PDE8A: variants seen among roughly 807,000 people sequenced by gnomAD.
PDE8A encodes the protein high affinity cAMP-specific and IBMX-insensitive 3',5'-cyclic phosphodiesterase 8A.
Under a neutral mutation model 105.0 loss-of-function variants are expected in PDE8A, and 59 were observed. The ratio of observed to expected loss-of-function variants is 0.56; its 90% confidence interval spans 0.46 to 0.70. The LOEUF is 0.70. Ranked by LOEUF, PDE8A falls within the 30% of genes least tolerant of loss-of-function variation. The pLI is 0.00. For synonymous variants in PDE8A, 355 were observed against 371.9 expected, an observed-to-expected ratio of 0.95 and a Z score of 0.52; for missense variants, 1,014 against 1,045.9, an observed-to-expected ratio of 0.97 and a Z score of 0.42.
chr15:85,136,225 C>A (rs1387634671), intron 20 of PDE8A, among the ~76,000 whole-genome samples: 1 of 152,218 alleles, frequency 6.6e-6, no homozygotes, highest in Non-Finnish European at 1.5e-5. Flanking sequence ...ATACGAACAA[C>A]AGAGCGGTGG....
intron 20 of PDE8A, among the ~76,000 whole-genome samples, chr15:85,134,941 G>C (rs963679964): frequency 6.6e-5 from 10 of 152,218 alleles, no homozygotes; most frequent in African/African-American, 2.4e-4. Flanking sequence ...AGGCAATGGA[G>C]TCAGCGACTT....
chr15:85,101,433 T>G (rs2081860446), intron 11 of PDE8A, among the ~76,000 whole-genome samples: 1 of 152,142 alleles, frequency 6.6e-6, no homozygotes, highest in Non-Finnish European at 1.5e-5. Flanking sequence ...AGGGGGAAAG[T>G]ACAGGGCATG....
rs772860195 is a variant in PDE8A, at chr15:85,033,918, GAGAAA to G, written c.187-30450_187-30446del. Among the ~76,000 whole-genome samples the G allele has an allele frequency of 7.9e-5, 12 of 152,216 alleles. 1 individual carries two copies. The highest frequency in any genetic ancestry group is 5.9e-4 in the Admixed American group (9 of 15,266). On this transcript the variant is annotated intron_variant, in intron 1 of 21. Coordinates refer to ENST00000394553, the MANE Select transcript of PDE8A (RefSeq NM_002605.3). Reference sequence around the variant, plus strand: ...TCCCTAAAGAAGGAAACAAATAGTGGAGAAAACAAAAGTTTTGTAGTACAAATCAA... The same window carrying G: ...TCCCTAAAGAAGGAAACAAATAGTGGACAAAAGTTTTGTAGTACAAATCAA...
intron 8 of PDE8A, among the ~76,000 whole-genome samples, chr15:85,097,356 G>A (rs1235669169): frequency 6.6e-6 from 1 of 152,164 alleles, no homozygotes; most frequent in Non-Finnish European, 1.5e-5. Flanking sequence ...CACGTTCTGT[G>A]TCTGATCAGG....
intron 1 of PDE8A, among the ~76,000 whole-genome samples, chr15:85,062,312 A>G (rs1435745620): frequency 6.6e-6 from 1 of 152,170 alleles, no homozygotes; most frequent in Admixed American, 6.5e-5. Flanking sequence ...GGATCAGTCT[A>G]ATGTGTAAAC....
rs1254960702 is a variant in PDE8A at position 85,038,223 on chromosome 15, G to A, written c.187-26147G>A. On this transcript the variant is annotated intron_variant, in intron 1 of 21. Coordinates refer to ENST00000394553, the MANE Select transcript of PDE8A (RefSeq NM_002605.3). ...GGCTCTCTCCAATTGGGGGGTGTGT[G>A]TGTGTGTGTGTGTGTGTGTGTGTGT... Among the ~76,000 whole-genome samples, 144 of 19,466 alleles carry A rather than the reference G, an allele frequency of 7.4e-3. 4 individuals carry two copies. The East Asian group carries it at 0.13, about 17-fold the overall frequency. 12.8% of individuals were successfully genotyped at this position (19,466 alleles called of 152,430 possible).
In PDE8A at chr15:85,113,988, C is replaced by T. The variant is rs771902417; in HGVS notation, c.1301C>T (p.Ala434Val). The T allele has an allele frequency of 1.2e-6, 2 of 1,613,780 alleles. No homozygotes were observed. The highest frequency in any genetic ancestry group is 2.7e-5 in the African/African-American group (2 of 74,924). ...TTELYSPQFG[A>V]KDDDPHANDL... ...GAGTTATATTCACCACAGTTTGGTG[C>T]TAAAGATGATGATCCCCATGCCAAT... The change falls in exon 14 of 22, where the codon GCT (alanine) becomes GTT (valine). Residue 434 changes from alanine to valine, a missense_variant. Ala to Val is a moderately conservative substitution (Grantham distance 64). Transcript: ENST00000394553.
At position 85,116,061 on chromosome 15, in the gene PDE8A, G is replaced by T. The variant is rs1299503771; in HGVS notation, c.1477G>T (p.Glu493Ter). ...CCCACCACGGATAGCTCGGGCCATG[G>T]AAAATGAGGAATACTGGGACTTTGA... ...DVPPRIARAM[E>*]NEEYWDFDIF... Residue 493 changes from glutamate (E) to a stop codon, truncating the protein, a stop_gained, in exon 16 of 22, where the codon GAA (glutamate) becomes TAA (stop). Coordinates refer to ENST00000394553, the MANE Select transcript of PDE8A (RefSeq NM_002605.3). LOFTEE classifies it high-confidence loss of function. The T allele has an allele frequency of 6.2e-7, 1 of 1,613,912 alleles. No individual in the cohort carries two copies. Among genetic ancestry groups the T allele is most frequent in the Non-Finnish European group, 8.5e-7 (1 of 1,179,894 alleles).
At chr15:85,008,744 TC>T (rs1278413584) in intron 1 of PDE8A, among the ~76,000 whole-genome samples, 10 of 152,158 alleles carry the variant, frequency 6.6e-5, no homozygotes, top group Admixed American at 5.2e-4. Flanking sequence ...GCCTGAATCC[TC>T]CATTACCACC....
At chr15:85,087,804 A>G (rs759424615) in intron 6 of PDE8A, among the ~76,000 whole-genome samples, 7 of 152,240 alleles carry the variant, frequency 4.6e-5, no homozygotes, top group Non-Finnish European at 8.8e-5. Context: ...ACTGTAGAGT[A>G]TGATCTTGTT....
chr15:85,040,174 G>C (rs73446132), intron 1 of PDE8A, among the ~76,000 whole-genome samples: 13,404 of 151,986 alleles, frequency 0.088, 1,638 homozygotes, highest in African/African-American at 0.28. Context: ...TGAGTGTGAT[G>C]GTGTGCGCCT....
chr15:85,005,423 C>T (rs894005790), intron 1 of PDE8A, among the ~76,000 whole-genome samples: 2 of 152,260 alleles, frequency 1.3e-5, no homozygotes. Flanking sequence ...GCTGTTATTA[C>T]AGGAACTTTT....
chr15:85,025,237 AC>A (rs1267400652), intron 1 of PDE8A, among the ~76,000 whole-genome samples: 9 of 151,868 alleles, frequency 5.9e-5, no homozygotes, highest in Non-Finnish European at 1.5e-5. Flanking sequence ...TACTCCCACT[AC>A]CCCTTTGAAC....
At chr15:85,027,864 T>G (rs1194449741) in intron 1 of PDE8A, among the ~76,000 whole-genome samples, 1 of 152,206 alleles carries the variant, frequency 6.6e-6, no homozygotes, top group Non-Finnish European at 1.5e-5. Context: ...ATGTATACAT[T>G]TTAAAAAACA....
chr15:85,123,010 C>T (rs1295327344), intron 18 of PDE8A, 51 bp from the exon 19 acceptor site: 3 of 1,594,320 alleles, frequency 1.9e-6, no homozygotes, highest in Non-Finnish European at 2.6e-6. Flanking sequence ...GAGTACCTGT[C>T]TGGTCTGGAT....
chr15:85,000,036 C>T (rs1031814654), intron 1 of PDE8A, among the ~76,000 whole-genome samples: 5 of 152,136 alleles, frequency 3.3e-5, no homozygotes, highest in African/African-American at 7.2e-5. Flanking sequence ...TGAAAACTTG[C>T]GTTCAAATTC....
intron 20 of PDE8A, among the ~76,000 whole-genome samples, chr15:85,129,842 C>T (rs2082306456): frequency 6.6e-6 from 1 of 152,072 alleles, no homozygotes; most frequent in Non-Finnish European, 1.5e-5. Flanking sequence ...ACTGTTTTTG[C>T]TGCATCTAAT....
At chr15:84,983,424 ATGTACTTTC>A (rs1361704401) in intron 1 of PDE8A, among the ~76,000 whole-genome samples, 6 of 152,178 alleles carry the variant, frequency 3.9e-5, no homozygotes, top group Non-Finnish European at 2.9e-5. Context: ...ATATAGTTTG[ATGTACTTTC>A]TGTCTTACAT....
At chr15:85,008,035 T>G (rs2080176826) in intron 1 of PDE8A, among the ~76,000 whole-genome samples, 3 of 152,080 alleles carry the variant, frequency 2.0e-5, no homozygotes, top group African/African-American at 7.3e-5. Flanking sequence ...CTTGAAGCAC[T>G]GAGGTCCTTA....
Sources: allele counts gnomAD v4.1 joint callset (sites outside exome capture counted in the v4.1 genomes callset), GRCh38; gene constraint gnomAD v4.1.1; transcripts MANE v1.5; gene names NCBI Gene and HGNC (gene_info 2026-07-23, HGNC 2026-07-21).